ESRRG: variants seen among roughly 807,000 people sequenced by gnomAD.
ESRRG encodes the protein estrogen-related receptor gamma.
Under a neutral mutation model 44.0 loss-of-function variants are expected in ESRRG, and 13 were observed. That is an observed-to-expected ratio of 0.30 (90% CI 0.19 to 0.47). The LOEUF (loss-of-function observed/expected upper bound fraction) is 0.47. Ranked by LOEUF, ESRRG falls within the 20% of genes least tolerant of loss-of-function variation. The pLI is 1.00. For missense variants in ESRRG, 395 were observed against 580.6 expected, an observed-to-expected ratio of 0.68 and a Z score of 3.29; for synonymous variants, 215 against 214.6, an observed-to-expected ratio of 1.00 and a Z score of -0.02.
chr1:216,965,031 G>A (rs970060670), intron 1 of ESRRG, among the ~76,000 whole-genome samples: 27 of 152,164 alleles, frequency 1.8e-4, no homozygotes, highest in African/African-American at 6.5e-4. Context: ...TTCCATTGAT[G>A]GAGTGTCAGA....
chr1:216,834,018 C>A (rs2095526287), intron 2 of ESRRG, among the ~76,000 whole-genome samples: 1 of 152,290 alleles, frequency 6.6e-6, no homozygotes, highest in East Asian at 1.9e-4. Context: ...ATGGTTCAAA[C>A]AACAGCGCTG....
At chr1:216,555,921 G>C (rs1445351970) in intron 5 of ESRRG, among the ~76,000 whole-genome samples, 1 of 152,082 alleles carries the variant, frequency 6.6e-6, no homozygotes, top group African/African-American at 2.4e-5. Flanking sequence ...AGGGGAAAAA[G>C]TGCGACCAGC....
chr1:216,530,928 A>G (rs2049188230), intron 5 of ESRRG, among the ~76,000 whole-genome samples: 1 of 152,146 alleles, frequency 6.6e-6, no homozygotes, highest in Non-Finnish European at 1.5e-5. Context: ...TAAAGCAGAA[A>G]AAAAAATGAA....
At chr1:217,088,914 A>G (rs545401390) in intron 1 of ESRRG, among the ~76,000 whole-genome samples, 3 of 152,076 alleles carry the variant, frequency 2.0e-5, no homozygotes, top group Admixed American at 2.0e-4. Context: ...TTAAATGATG[A>G]TCGGGTGACC....
chr1:216,828,505 T>A (rs1414507925), intron 2 of ESRRG, among the ~76,000 whole-genome samples: 2 of 152,088 alleles, frequency 1.3e-5, no homozygotes, highest in Admixed American at 6.5e-5. Context: ...ATAACAATAG[T>A]AAGAGTTTTA....
intron 2 of ESRRG, among the ~76,000 whole-genome samples, chr1:216,933,709 A>G (rs377065902): frequency 1.4e-4 from 21 of 152,342 alleles, no homozygotes; most frequent in African/African-American, 4.1e-4. Context: ...ATATCATTCA[A>G]TTTTTAAGAA....
chr1:216,517,200 C>A (rs969202455), intron 6 of ESRRG, among the ~76,000 whole-genome samples: 2 of 152,090 alleles, frequency 1.3e-5, no homozygotes, highest in African/African-American at 4.8e-5. Context: ...TTGACCATTT[C>A]TGACTTTAGA....
rs79870471 is a variant in ESRRG, at chr1:216,511,547, T to TCACACACACACACACA, written c.1133-4380_1133-4365dup. ...GGGTATTCCCAAAATATACATAAAT[T>TCACACACACACACACA]CACACACACACACACACAGACAAAT... On this transcript the variant is annotated intron_variant, in intron 6 of 6. Transcript: ENST00000408911. 5.9e-4 allele frequency among the ~76,000 whole-genome samples: 86 copies of TCACACACACACACACA among 144,942 alleles called. 1 individual carries two copies. The highest frequency in any genetic ancestry group is 5.4e-3 in the East Asian group (27 of 4,966).
intron 1 of ESRRG, among the ~76,000 whole-genome samples, chr1:217,081,221 CTTTTT>C (rs143325476): frequency 5.7e-5 from 4 of 70,412 alleles, no homozygotes; most frequent in Non-Finnish European, 7.1e-5. Context: ...TAAAAATATT[CTTTTT>C]TTTTTTTTTT....
At chr1:216,751,150 G>A (rs2091968876) in intron 2 of ESRRG, among the ~76,000 whole-genome samples, 1 of 152,162 alleles carries the variant, frequency 6.6e-6, no homozygotes. Flanking sequence ...TAGTGGATGG[G>A]TTATTCTTAG....
chr1:216,686,587 G>A (rs1358564906), intron 1 of ESRRG, among the ~76,000 whole-genome samples: 1 of 151,912 alleles, frequency 6.6e-6, no homozygotes, highest in Non-Finnish European at 1.5e-5. Context: ...CAAACATGCA[G>A]AGAAAAATTT....
chr1:216,927,859 G>A (rs1456138782), intron 2 of ESRRG, among the ~76,000 whole-genome samples: 1 of 152,220 alleles, frequency 6.6e-6, no homozygotes, highest in Admixed American at 6.5e-5. Flanking sequence ...AGAACTTAGA[G>A]CAGACAATTC....
chr1:216,634,998 C>T (rs984797040), intron 3 of ESRRG, among the ~76,000 whole-genome samples: 27 of 150,876 alleles, frequency 1.8e-4, no homozygotes, highest in Admixed American at 7.3e-4. Flanking sequence ...TTTTTCTTTG[C>T]TCTCTCTCTC....
At chr1:217,041,024 C>T (rs570869539) in intron 1 of ESRRG, among the ~76,000 whole-genome samples, 1 of 152,178 alleles carries the variant, frequency 6.6e-6, no homozygotes, top group South Asian at 2.1e-4. Flanking sequence ...ACATTGGGAA[C>T]CCTCAACAGC....
intron 2 of ESRRG, among the ~76,000 whole-genome samples, chr1:216,661,142 A>C (rs1388741827): frequency 2.0e-5 from 3 of 152,214 alleles, no homozygotes; most frequent in African/African-American, 7.2e-5. Context: ...TTCTTGTAAA[A>C]GGCAACTGTT....
intron 2 of ESRRG, among the ~76,000 whole-genome samples, chr1:216,776,502 T>C (rs1193755775): frequency 2.6e-5 from 4 of 152,070 alleles, no homozygotes; most frequent in African/African-American, 9.7e-5. Flanking sequence ...GACTTCATAC[T>C]CTCTGAGGGT....
At chr1:216,718,465 A>G (rs2085395941) in intron 1 of ESRRG, among the ~76,000 whole-genome samples, 1 of 152,052 alleles carries the variant, frequency 6.6e-6, no homozygotes, top group African/African-American at 2.4e-5. Flanking sequence ...GGCTATCAAA[A>G]AAATCAATGA....
intron 2 of ESRRG, among the ~76,000 whole-genome samples, chr1:216,897,971 C>T (rs1204262414): frequency 6.6e-6 from 1 of 152,138 alleles, no homozygotes; most frequent in African/African-American, 2.4e-5. Flanking sequence ...GGCTCATTTC[C>T]TGGCATACGA....
chr1:216,946,765 G>A (rs2066128660), intron 1 of ESRRG, among the ~76,000 whole-genome samples: 1 of 151,676 alleles, frequency 6.6e-6, no homozygotes, highest in Non-Finnish European at 1.5e-5. Flanking sequence ...CACCACGGCT[G>A]GAGTGCAGTG....
Sources: gnomAD v4.1 joint callset for allele counts (sites outside exome capture counted in the v4.1 genomes callset) on GRCh38, gnomAD v4.1.1 for gene constraint, MANE v1.5 for transcripts, NCBI Gene and HGNC (gene_info 2026-07-23, HGNC 2026-07-21) for gene names.